THADA: variants seen among roughly 807,000 people sequenced by gnomAD.
The protein encoded by THADA is tRNA (32-2'-O)-methyltransferase regulator THADA.
A neutral mutation model predicts 219.8 loss-of-function variants in THADA; 213 were observed. That is an observed-to-expected ratio of 0.97 (90% CI 0.87 to 1.09). THADA has a LOEUF of 1.09. Among genes scored for constraint, THADA ranks in the 50% least tolerant of loss-of-function variants. The probability of loss-of-function intolerance (pLI) is 0.00; values close to 1 mark genes in which losing one functional copy is unlikely to be tolerated. For synonymous variants in THADA, 1,018 were observed against 828.9 expected (o/e 1.23, Z -3.92); for missense variants, 2,956 against 2,311.3 (o/e 1.28, Z -5.72).
Position 43,232,749 on chromosome 2 carries a change from ACTCT to A in THADA, c.5426_5429del (p.Glu1809ValfsTer32). On this transcript the variant is annotated frameshift_variant, in exon 37 of 38. Transcript: ENST00000405975. LOFTEE classifies it low-confidence loss of function (END_TRUNC). ...TCTCCACACAGGCCACGAGGTCATC[ACTCT>A]CTCCCAACAGCCATCCCAGCAGGAT... is the stretch of plus-strand genomic sequence containing the variant. 1 of 1,613,470 alleles carries A rather than the reference ACTCT, an allele frequency of 6.2e-7. No homozygotes were observed. The highest frequency in any genetic ancestry group is 8.5e-7 in the Non-Finnish European group (1 of 1,179,762).
chr2:43,241,242 C>T (rs1362490858), intron 36 of THADA, among the ~76,000 whole-genome samples: 3 of 151,962 alleles, frequency 2.0e-5, no homozygotes, highest in Non-Finnish European at 4.4e-5. Context: ...GCACAAACTA[C>T]CATGTCCCCC....
rs150195593 is a variant in THADA, at chr2:43,475,014, C to A, written c.3836+10220G>T. On this transcript the variant is annotated intron_variant, in intron 26 of 37. Transcript: ENST00000405975. Reference sequence around the variant, plus strand: ...ACAGAAAAGAAAGAAACGTAGCAAACAGAGAAAGAGAGATTGTTCAGGACA... The same window carrying A: ...ACAGAAAAGAAAGAAACGTAGCAAAAAGAGAAAGAGAGATTGTTCAGGACA... Among the ~76,000 whole-genome samples the A allele has an allele frequency of 8.3e-3, 1,260 of 152,194 alleles. 11 individuals carry two copies. Among genetic ancestry groups the A allele is most frequent in the Non-Finnish European group, 0.014 (922 of 68,008 alleles).
chr2:43,461,385 A>G (rs1683624373), intron 26 of THADA, among the ~76,000 whole-genome samples: 1 of 152,200 alleles, frequency 6.6e-6, no homozygotes, highest in Non-Finnish European at 1.5e-5. Context: ...AACCATTGAA[A>G]GGTCCATTTT....
At chr2:43,508,462 C>T (rs1422534420) in intron 23 of THADA, among the ~76,000 whole-genome samples, 186 bp downstream of exon 23, 1 of 152,014 alleles carries the variant, frequency 6.6e-6, no homozygotes, top group Non-Finnish European at 1.5e-5. Context: ...GGGTTTGTTC[C>T]AAGAACAGAT....
intron 14 of THADA, among the ~76,000 whole-genome samples, chr2:43,567,340 A>C (rs1408705294): frequency 6.6e-6 from 1 of 152,046 alleles, no homozygotes; most frequent in Non-Finnish European, 1.5e-5. Flanking sequence ...ACATTAAAAC[A>C]CAACAAGGGC....
At chr2:43,589,936 T>C (rs1701381409) in intron 4 of THADA, among the ~76,000 whole-genome samples, 1 of 152,100 alleles carries the variant, frequency 6.6e-6, no homozygotes, top group Non-Finnish European at 1.5e-5. Flanking sequence ...CATGGAAATA[T>C]CTCTAAGACA....
chr2:43,277,476 C>T (rs1356561648), intron 36 of THADA, among the ~76,000 whole-genome samples: 3 of 152,192 alleles, frequency 2.0e-5, no homozygotes, highest in Admixed American at 1.3e-4. Context: ...GGGCCCACTC[C>T]ACTCTCCAGA....
intron 21 of THADA, among the ~76,000 whole-genome samples, chr2:43,540,325 G>A (rs1695135527): frequency 1.3e-5 from 2 of 152,186 alleles, no homozygotes; most frequent in East Asian, 1.9e-4. Context: ...TTAACCAGAT[G>A]CATGCAACAT....
intron 23 of THADA, among the ~76,000 whole-genome samples, chr2:43,507,961 G>T (rs1689906615): frequency 6.6e-6 from 1 of 152,128 alleles, no homozygotes; most frequent in South Asian, 2.1e-4. Context: ...TTTCATATGT[G>T]TTCAAAAGGA....
intron 29 of THADA, among the ~76,000 whole-genome samples, chr2:43,381,097 C>CAA (rs58711910): frequency 0.25 from 13,754 of 54,246 alleles, 1,697 homozygotes; most frequent in Non-Finnish European, 0.28. Context: ...GAGACTTTGT[C>CAA]AAAAAAAAAA....
At chr2:43,293,331 G>T in intron 31 of THADA, 118 bp from the exon 32 acceptor site, 1 of 1,143,984 alleles carries the variant, frequency 8.7e-7, no homozygotes. Context: ...CCCATAAGCA[G>T]ATTTCAAACA....
intron 36 of THADA, among the ~76,000 whole-genome samples, chr2:43,236,784 G>A (rs532232248): frequency 1.6e-4 from 24 of 150,018 alleles, no homozygotes; most frequent in East Asian, 1.4e-3. Context: ...AGCGTGGGCC[G>A]GGCACGGTGG....
intron 36 of THADA, among the ~76,000 whole-genome samples, chr2:43,279,171 C>T (rs909103971): frequency 6.6e-6 from 1 of 152,186 alleles, no homozygotes; most frequent in African/African-American, 2.4e-5. Context: ...GACCCCGGGC[C>T]TGGGGCTGTA....
intron 36 of THADA, among the ~76,000 whole-genome samples, chr2:43,264,721 A>C (rs1336714135): frequency 6.6e-6 from 1 of 152,190 alleles, no homozygotes. Context: ...AAAGAAGGGA[A>C]GGGAGGAGCC....
At chr2:43,247,622 G>T (rs962353673) in intron 36 of THADA, among the ~76,000 whole-genome samples, 1 of 151,158 alleles carries the variant, frequency 6.6e-6, no homozygotes, top group Non-Finnish European at 1.5e-5. Flanking sequence ...ACAGCTACTC[G>T]GGAGGCTGAG....
At chr2:43,496,375 C>G (rs1323148362) in intron 25 of THADA, among the ~76,000 whole-genome samples, 1 of 152,182 alleles carries the variant, frequency 6.6e-6, no homozygotes, top group East Asian at 1.9e-4. Context: ...AGTTTTGAAT[C>G]AAAATGCTTC....
chr2:43,497,542 G>A (rs966692515), intron 25 of THADA, among the ~76,000 whole-genome samples: 1 of 152,130 alleles, frequency 6.6e-6, no homozygotes, highest in South Asian at 2.1e-4. Context: ...GTTGGAGTCA[G>A]GAAGGGAGGG....
intron 20 of THADA, among the ~76,000 whole-genome samples, chr2:43,543,277 T>C (rs1376470870): frequency 2.3e-5 from 3 of 132,304 alleles, no homozygotes; most frequent in African/African-American, 3.0e-5. Context: ...TCTATCATTG[T>C]TGGACATTTG....
chr2:43,394,722 G>A (rs969204152), intron 29 of THADA, among the ~76,000 whole-genome samples: 4 of 152,234 alleles, frequency 2.6e-5, no homozygotes, highest in Non-Finnish European at 5.9e-5. Flanking sequence ...GACAACACAG[G>A]TGTGACACCC....
Sources: gnomAD v4.1 joint callset for allele counts (sites outside exome capture counted in the v4.1 genomes callset) on GRCh38, gnomAD v4.1.1 for gene constraint, MANE v1.5 for transcripts, NCBI Gene and HGNC (gene_info 2026-07-23, HGNC 2026-07-21) for gene names.